The following CHODL variants were observed in gnomAD, a reference collection of about 807,000 sequenced individuals.
The protein encoded by CHODL is transmembrane protein MT75.
A neutral mutation model predicts 34.5 loss-of-function variants in CHODL; 29 were observed. The ratio of observed to expected loss-of-function variants is 0.84; its 90% CI spans 0.63 to 1.15. The LOEUF (loss-of-function observed/expected upper bound fraction) is 1.15, where lower values mean the gene tolerates loss of function less well. Ranked by LOEUF, CHODL falls within the 50% of genes most tolerant of loss-of-function variation. CHODL has a pLI of 0.00. For synonymous variants in CHODL, 125 were observed against 116.1 expected (o/e 1.08, Z -0.49); for missense variants, 332 against 332.5 (o/e 1.00, Z 0.01).
chr21:18,182,894 T>C (rs1036299148), intron 2 of CHODL, among the ~76,000 whole-genome samples: 5 of 152,198 alleles, frequency 3.3e-5, no homozygotes, highest in African/African-American at 1.2e-4. Context: ...CTCTCCACAT[T>C]TGTGCTACAA....
chr21:17,939,808 T>G (rs1170564999), intron 1 of CHODL, among the ~76,000 whole-genome samples: 1 of 152,236 alleles, frequency 6.6e-6, no homozygotes, highest in African/African-American at 2.4e-5. Flanking sequence ...ACAAGGTAGT[T>G]TCTCATGCAG....
chr21:18,098,286 G>C (rs1386103543), intron 2 of CHODL, among the ~76,000 whole-genome samples: 2 of 151,758 alleles, frequency 1.3e-5, no homozygotes, highest in Admixed American at 6.6e-5. Flanking sequence ...CCACAGAATG[G>C]GAGAAATATT....
At chr21:18,010,053 A>G (rs1376178258) in intron 1 of CHODL, among the ~76,000 whole-genome samples, 1 of 148,310 alleles carries the variant, frequency 6.7e-6, no homozygotes, top group African/African-American at 2.5e-5. Flanking sequence ...GAATTATTAA[A>G]AAGAAAACTG....
chr21:17,918,710 C>G (rs1203166551), intron 1 of CHODL, among the ~76,000 whole-genome samples: 1 of 152,154 alleles, frequency 6.6e-6, no homozygotes, highest in Non-Finnish European at 1.5e-5. Context: ...CATGCCTTCC[C>G]AACAGTCCCC....
intron 2 of CHODL, among the ~76,000 whole-genome samples, chr21:18,089,310 T>G (rs1261636542): frequency 2.0e-5 from 3 of 152,250 alleles, no homozygotes; most frequent in Admixed American, 2.0e-4. Context: ...TTTGAATATA[T>G]AGATATTATT....
At chr21:18,263,826 C>T (rs58468524) in intron 5 of CHODL, among the ~76,000 whole-genome samples, 21,904 of 151,448 alleles carry the variant, frequency 0.14, 2,698 homozygotes, top group African/African-American at 0.34. Context: ...TACCATTAAG[C>T]AACAAAAGAC....
At chr21:18,232,950 T>TATATATATATATAC (rs2073995393) in intron 2 of CHODL, among the ~76,000 whole-genome samples, 2 of 139,382 alleles carry the variant, frequency 1.4e-5, no homozygotes. Context: ...ATGATATATA[T>TATATATATATATAC]ATATATATAT....
intron 2 of CHODL, among the ~76,000 whole-genome samples, chr21:18,154,490 T>C (rs1194263021): frequency 6.6e-6 from 1 of 152,192 alleles, no homozygotes; most frequent in African/African-American, 2.4e-5. Flanking sequence ...TAAAATGGTG[T>C]GCCTTTTCTT....
At chr21:18,265,279 G>T (rs868283997) in intron 5 of CHODL, among the ~76,000 whole-genome samples, 1 of 136,742 alleles carries the variant, frequency 7.3e-6, no homozygotes, top group African/African-American at 3.1e-5. Flanking sequence ...ATATGTGTGT[G>T]TATATATATA....
chr21:18,191,495 T>C (rs570524373), intron 2 of CHODL, among the ~76,000 whole-genome samples: 47 of 152,324 alleles, frequency 3.1e-4, no homozygotes, highest in Admixed American at 3.0e-3. Context: ...GCCATCCTCA[T>C]AGATGTGAGG....
At chr21:18,020,492 G>A (rs1192573275) in intron 1 of CHODL, among the ~76,000 whole-genome samples, 2 of 152,148 alleles carry the variant, frequency 1.3e-5, no homozygotes, top group East Asian at 1.9e-4. Flanking sequence ...CAAGTAATAT[G>A]TGGTAAGGCT....
At chr21:18,047,589 A>G (rs1279649036) in intron 2 of CHODL, among the ~76,000 whole-genome samples, 1 of 151,846 alleles carries the variant, frequency 6.6e-6, no homozygotes, top group Non-Finnish European at 1.5e-5. Flanking sequence ...GGAGGAACAC[A>G]CCATTGGCGC....
At position 17,918,566 on chromosome 21, in the gene CHODL, C is replaced by T. The variant is rs147263232; in HGVS notation, c.-145+1166C>T. Among the ~76,000 whole-genome samples, 1,207 of 152,204 alleles carry T rather than the reference C, an allele frequency of 7.9e-3. 18 individuals are homozygous for T. Among genetic ancestry groups the T allele is most frequent in the African/African-American group, 0.027 (1,120 of 41,538 alleles). Reference sequence around the variant, plus strand: ...GCCCCCATAATTTAATCACTTCCCCCCGGGTTCCTCCTAGGACACATGGGA... The same window carrying T: ...GCCCCCATAATTTAATCACTTCCCCTCGGGTTCCTCCTAGGACACATGGGA... On this transcript the variant is annotated intron_variant, in intron 1 of 6. Transcript: ENST00000400127.
At chr21:18,170,997 T>C (rs1051654467) in intron 2 of CHODL, among the ~76,000 whole-genome samples, 1 of 151,882 alleles carries the variant, frequency 6.6e-6, no homozygotes, top group Non-Finnish European at 1.5e-5. Context: ...CCTGGAGATA[T>C]ATAAATTTCT....
chr21:18,244,071 T>C (rs2074107264), upstream of CHODL, among the ~76,000 whole-genome samples: 1 of 152,192 alleles, frequency 6.6e-6, no homozygotes, highest in Non-Finnish European at 1.5e-5. Context: ...GTAGACTGTT[T>C]TAATAAAGAG....
chr21:18,230,421 T>A, intron 2 of CHODL, among the ~76,000 whole-genome samples: 1 of 152,128 alleles, frequency 6.6e-6, no homozygotes, highest in East Asian at 1.9e-4. Flanking sequence ...TGTTGTGAAA[T>A]TGTGATTTTT....
chr21:18,259,900 C>A (rs918964971), intron 3 of CHODL, among the ~76,000 whole-genome samples: 1 of 152,096 alleles, frequency 6.6e-6, no homozygotes, highest in Non-Finnish European at 1.5e-5. Context: ...GTGACTGGTC[C>A]GCCATTATTG....
chr21:17,970,459 T>A (rs987879629), intron 1 of CHODL, among the ~76,000 whole-genome samples: 1 of 152,226 alleles, frequency 6.6e-6, no homozygotes, highest in Non-Finnish European at 1.5e-5. Context: ...GAATGATGTA[T>A]GGAATAATGC....
chr21:18,229,651 A>G (rs1475244828), intron 2 of CHODL, among the ~76,000 whole-genome samples: 2 of 152,110 alleles, frequency 1.3e-5, no homozygotes, highest in Non-Finnish European at 2.9e-5. Context: ...GAGAATGGAT[A>G]TTTGTGGAAT....
Sources: allele counts gnomAD v4.1 joint callset (sites outside exome capture counted in the v4.1 genomes callset), GRCh38; gene constraint gnomAD v4.1.1; transcripts MANE v1.5; gene names NCBI Gene and HGNC (gene_info 2026-07-23, HGNC 2026-07-21).